NHEJ1: variants seen among roughly 807,000 people sequenced by gnomAD.
NHEJ1 encodes the protein non-homologous end joining factor 1.
In NHEJ1, 22 loss-of-function variants were observed where a neutral mutation model predicts 39.4. The observed-to-expected ratio is 0.56, with a 90% confidence interval of 0.40 to 0.80. The LOEUF is 0.80. NHEJ1 is among the 30% of genes least tolerant of loss of function. NHEJ1 has a pLI of 0.00. For synonymous variants in NHEJ1, 154 were observed against 135.6 expected, an observed-to-expected ratio of 1.14 and a Z score of -0.94; for missense variants, 329 against 357.1, an observed-to-expected ratio of 0.92 and a Z score of 0.63.
At position 219,080,885 on chromosome 2, in the gene NHEJ1, G is replaced by A. The variant is rs1052859360; in HGVS notation, c.589-2679C>T. 2.6e-5 allele frequency among the ~76,000 whole-genome samples: 4 copies of A among 151,982 alleles called. No homozygotes were observed. The South Asian group carries it at 8.3e-4, about 32-fold the overall frequency. The stretch of plus-strand genomic sequence containing the variant: ...TAGCATGACCCCGTTTGGCTGAGAT[G>A]GTCCCAGCTAGTAAGTGGTGGCACA... On this transcript the variant is annotated intron_variant, in intron 5 of 7. Transcript: ENST00000356853.
In NHEJ1 at chr2:219,073,604, T is replaced by C. The variant is rs1408677259; in HGVS notation, c.*2777A>G. On this transcript the variant is annotated 3_prime_UTR_variant, in exon 8 of 8. Coordinates refer to ENST00000356853, the MANE Select transcript of NHEJ1 (RefSeq NM_024782.3). ...TGGCGCTATTTCTCTACTTTTTAGG[T>C]CAAGTTCCTGCAGGAACTTCCTCGA... Among the ~76,000 whole-genome samples, 3 of 152,216 alleles carry C rather than the reference T, an allele frequency of 2.0e-5. No individual in the cohort carries two copies. The highest frequency in any genetic ancestry group is 1.3e-4 in the Admixed American group (2 of 15,284).
chr2:219,124,360 T>C (rs902961478), intron 5 of NHEJ1, among the ~76,000 whole-genome samples: 2 of 151,828 alleles, frequency 1.3e-5, no homozygotes, highest in African/African-American at 2.4e-5. Context: ...TAAATTTGAG[T>C]TCTCACCATC....
intron 3 of NHEJ1, among the ~76,000 whole-genome samples, chr2:219,156,354 G>A (rs574253974): frequency 1.3e-5 from 2 of 152,302 alleles, no homozygotes; most frequent in South Asian, 4.1e-4. Flanking sequence ...TCCCCTGTGG[G>A]AAACTAAAGA....
chr2:219,129,247 G>T (rs1161095005), intron 5 of NHEJ1, among the ~76,000 whole-genome samples: 1 of 152,212 alleles, frequency 6.6e-6, no homozygotes, highest in Non-Finnish European at 1.5e-5. Flanking sequence ...GATGCAGAAT[G>T]TCAAAACTAA....
chr2:219,154,317 G>A (rs1427054816), intron 3 of NHEJ1, among the ~76,000 whole-genome samples: 1 of 152,120 alleles, frequency 6.6e-6, no homozygotes, highest in East Asian at 1.9e-4. Flanking sequence ...TATATATACA[G>A]TATATACATA....
At chr2:219,154,241 G>A (rs764525864) in intron 3 of NHEJ1, among the ~76,000 whole-genome samples, 15 of 152,030 alleles carry the variant, frequency 9.9e-5, no homozygotes, top group Non-Finnish European at 1.6e-4. Context: ...TAAACAGTGC[G>A]TACAGCATGA....
chr2:219,078,837 T>A (rs1461229378), intron 5 of NHEJ1, among the ~76,000 whole-genome samples: 1 of 129,976 alleles, frequency 7.7e-6, no homozygotes, highest in Non-Finnish European at 1.8e-5. Flanking sequence ...TCTTGAGGGG[T>A]AAAAAAAACT....
At chr2:219,081,628 T>A (rs1203507699) in intron 5 of NHEJ1, among the ~76,000 whole-genome samples, 2 of 152,222 alleles carry the variant, frequency 1.3e-5, no homozygotes, top group Non-Finnish European at 2.9e-5. Context: ...ACAAAGATAG[T>A]AACTCAGAGT....
At chr2:219,137,853 A>G (rs1408548446) in intron 5 of NHEJ1, among the ~76,000 whole-genome samples, 1 of 152,148 alleles carries the variant, frequency 6.6e-6, no homozygotes, top group East Asian at 1.9e-4. Flanking sequence ...TCACTCCACT[A>G]CTATGGCCCT....
At chr2:219,083,648 G>A (rs1322787361) in intron 5 of NHEJ1, among the ~76,000 whole-genome samples, 1 of 152,160 alleles carries the variant, frequency 6.6e-6, no homozygotes, top group Non-Finnish European at 1.5e-5. Flanking sequence ...GTCAGGCACT[G>A]AGGGATCAAG....
intron 3 of NHEJ1, among the ~76,000 whole-genome samples, chr2:219,155,267 T>C (rs1372668396): frequency 1.3e-5 from 2 of 151,674 alleles, no homozygotes; most frequent in African/African-American, 4.8e-5. Context: ...TGAAATGTTT[T>C]AAACGAAATA....
chr2:219,119,946 T>G (rs893216363), intron 5 of NHEJ1, among the ~76,000 whole-genome samples: 76 of 152,356 alleles, frequency 5.0e-4, no homozygotes, highest in African/African-American at 1.8e-3. Flanking sequence ...AAACCCTTTC[T>G]CTACTTAATA....
chr2:219,076,476 G>T, intron 7 of NHEJ1, 21 bp from the exon 8 acceptor site: 1 of 1,590,380 alleles, frequency 6.3e-7, no homozygotes, highest in Admixed American at 1.7e-5. Context: ...GGGAACCCAA[G>T]TTAGTAGGGG....
At chr2:219,155,188 G>A (rs879868062) in intron 3 of NHEJ1, among the ~76,000 whole-genome samples, 3 of 151,338 alleles carry the variant, frequency 2.0e-5, no homozygotes, top group Non-Finnish European at 2.9e-5. Context: ...CCCAAAGGCC[G>A]CCCAAATGGT....
intron 5 of NHEJ1, among the ~76,000 whole-genome samples, chr2:219,082,582 T>C (rs1949076853): frequency 6.6e-6 from 1 of 152,238 alleles, no homozygotes; most frequent in Admixed American, 6.5e-5. Context: ...TCTGATCTAC[T>C]GCTCACCCTA....
intron 5 of NHEJ1, among the ~76,000 whole-genome samples, chr2:219,122,250 G>A (rs1361851027): frequency 1.3e-5 from 2 of 152,156 alleles, no homozygotes; most frequent in Admixed American, 6.5e-5. Flanking sequence ...CCTTTCAAGA[G>A]CTCCCTGGGG....
At chr2:219,137,090 A>G (rs990655764) in intron 5 of NHEJ1, among the ~76,000 whole-genome samples, 2 of 150,944 alleles carry the variant, frequency 1.3e-5, no homozygotes, top group Middle Eastern at 3.2e-3. Flanking sequence ...AAAAAAAAAG[A>G]AGTGGTAACC....
At chr2:219,100,430 C>A (rs1436764681) in intron 5 of NHEJ1, among the ~76,000 whole-genome samples, 3 of 141,184 alleles carry the variant, frequency 2.1e-5, no homozygotes, top group African/African-American at 7.8e-5. Flanking sequence ...TGGCAAAACT[C>A]GATCTCTACT....
Position 219,160,793 on chromosome 2 carries a change from GC to G in NHEJ1, c.-75del, listed in dbSNP as rs1255475232. On this transcript the variant is annotated 5_prime_UTR_variant, in exon 1 of 8. Transcript: ENST00000356853. ...CCTGCCCGCTCGCGCAAACCGAAAGGCCTAGAGTAAGAGGCCGCTTTCCCCC... is the reference window on the plus strand; with the variant it reads ...CCTGCCCGCTCGCGCAAACCGAAAGGCTAGAGTAAGAGGCCGCTTTCCCCC... The G allele has an allele frequency of 6.6e-6, 1 of 152,480 alleles. No individual in the cohort carries two copies. Among genetic ancestry groups the G allele is most frequent in the African/African-American group, 2.4e-5 (1 of 41,474 alleles). 9.4% of individuals were successfully genotyped at this position (152,480 alleles called of 1,614,324 possible).
Sources: allele counts gnomAD v4.1 joint callset (sites outside exome capture counted in the v4.1 genomes callset), GRCh38; gene constraint gnomAD v4.1.1; transcripts MANE v1.5; gene names NCBI Gene and HGNC (gene_info 2026-07-23, HGNC 2026-07-21).